The following IGF1R variants were observed in gnomAD, a reference collection of about 807,000 sequenced individuals.
IGF1R encodes the protein insulin like growth factor 1 receptor, also known as insulin-like growth factor 1 receptor.
In IGF1R, 44 loss-of-function variants were observed where a neutral mutation model predicts 144.6. The ratio of observed to expected loss-of-function variants is 0.30; its 90% CI spans 0.24 to 0.39. IGF1R has a LOEUF of 0.39. IGF1R is among the 10% of genes least tolerant of loss of function. The pLI is 1.00. For missense variants in IGF1R, 1,355 were observed against 1,833.7 expected, an observed-to-expected ratio of 0.74 and a Z score of 4.77; for synonymous variants, 795 against 722.8, an observed-to-expected ratio of 1.10 and a Z score of -1.60.
At chr15:98,738,097 C>G (rs1004796293) in intron 2 of IGF1R, among the ~76,000 whole-genome samples, 1 of 152,194 alleles carries the variant, frequency 6.6e-6, no homozygotes, top group Non-Finnish European at 1.5e-5. Flanking sequence ...AGATTAAAAT[C>G]CTATGACAGA....
intron 10 of IGF1R, among the ~76,000 whole-genome samples, chr15:98,918,839 G>A (rs1024928478): frequency 5.3e-5 from 8 of 152,072 alleles, no homozygotes; most frequent in South Asian, 2.1e-4. Context: ...AGATCGCACC[G>A]TTGCACTCCA....
At chr15:98,955,906 T>TC (rs1567222131) in intron 20 of IGF1R, among the ~76,000 whole-genome samples, 15 of 152,342 alleles carry the variant, frequency 9.8e-5, no homozygotes, top group Middle Eastern at 3.4e-3. Context: ...TAGCCAGAAT[T>TC]TTAAAATAAA....
At chr15:98,753,243 TA>T (rs59537592) in intron 2 of IGF1R, among the ~76,000 whole-genome samples, 29 of 148,454 alleles carry the variant, frequency 2.0e-4, no homozygotes, top group African/African-American at 7.1e-4. Context: ...TTTTTTTTTT[TA>T]AATAAAGAGG....
chr15:98,661,730 C>T (rs1481884345), intron 1 of IGF1R, among the ~76,000 whole-genome samples: 1 of 152,212 alleles, frequency 6.6e-6, no homozygotes, highest in African/African-American at 2.4e-5. Context: ...AGTGTCTCTG[C>T]CTGTGATTGG....
intron 2 of IGF1R, among the ~76,000 whole-genome samples, chr15:98,732,157 A>G (rs768800869): frequency 1.3e-5 from 2 of 152,162 alleles, no homozygotes; most frequent in African/African-American, 4.8e-5. Context: ...AGTGTGGTGC[A>G]TATCTTATTA....
At chr15:98,709,841 G>A (rs540126281) in intron 2 of IGF1R, among the ~76,000 whole-genome samples, 4 of 152,266 alleles carry the variant, frequency 2.6e-5, no homozygotes, top group African/African-American at 7.2e-5. Flanking sequence ...CATATGAAAC[G>A]TCATTAAGTG....
intron 11 of IGF1R, among the ~76,000 whole-genome samples, chr15:98,923,388 G>A (rs1041099615): frequency 2.0e-5 from 3 of 152,246 alleles, no homozygotes; most frequent in African/African-American, 7.2e-5. Flanking sequence ...CAGTTGCCGC[G>A]TGTAGACGCG....
At chr15:98,817,160 G>C (rs75356524) in intron 2 of IGF1R, among the ~76,000 whole-genome samples, 17,162 of 151,988 alleles carry the variant, frequency 0.11, 1,130 homozygotes, top group Middle Eastern at 0.22. Context: ...AAATTAGCTG[G>C]GTGTGGTGGC....
chr15:98,961,727 A>G lies in IGF1R; in HGVS notation c.*4285A>G. On this transcript the variant is annotated 3_prime_UTR_variant, in exon 21 of 21. Transcript: ENST00000650285. ...GCAGGAGCTGGTGTGTACTGGAGAC[A>G]CTGTTGAACTTGATCAAGACCCAGA... is the stretch of plus-strand genomic sequence containing the variant. 1 of 233,654 alleles carries G rather than the reference A, an allele frequency of 4.3e-6. No homozygotes were observed. The highest frequency in any genetic ancestry group is 6.0e-5 in the East Asian group (1 of 16,590). The allele number at this position is 233,654 out of a possible 1,614,324, so 14.5% of individuals were successfully genotyped here.
chr15:98,950,777 C>G (rs987440838), intron 20 of IGF1R, among the ~76,000 whole-genome samples: 3 of 152,086 alleles, frequency 2.0e-5, no homozygotes, highest in African/African-American at 7.2e-5. Flanking sequence ...AAGTCCCACC[C>G]GTACTCAAGT....
rs143072572 is a variant in IGF1R, at chr15:98,737,490, C to G, written c.640+29383C>G. 1.0e-2 allele frequency among the ~76,000 whole-genome samples: 1,519 copies of G among 152,076 alleles called. 10 individuals are homozygous for G. Among genetic ancestry groups the G allele is most frequent in the Middle Eastern group, 0.041 (12 of 294 alleles). ...AAATACTGTTTTGGGTAGGACTTAC[C>G]CAAAAGAGTGGGCTGAGTCACAGAA... On this transcript the variant is annotated intron_variant, in intron 2 of 20. Transcript: ENST00000650285.
intron 2 of IGF1R, among the ~76,000 whole-genome samples, chr15:98,881,347 GTCTCAC>G (rs2013363431): frequency 6.6e-6 from 1 of 151,942 alleles, no homozygotes; most frequent in Admixed American, 6.6e-5. Context: ...TTGAGATGGA[GTCTCAC>G]TCTGTCACCC....
chr15:98,827,252 T>A (rs969861504), intron 2 of IGF1R, among the ~76,000 whole-genome samples: 5 of 152,114 alleles, frequency 3.3e-5, no homozygotes, highest in Non-Finnish European at 5.9e-5. Flanking sequence ...AACAGGCAAA[T>A]CCACTGACAT....
intron 5 of IGF1R, among the ~76,000 whole-genome samples, chr15:98,905,671 A>C: frequency 7.1e-6 from 1 of 140,722 alleles, no homozygotes; most frequent in South Asian, 2.1e-4. Flanking sequence ...CTCAAGGGGA[A>C]AAAAAAAAAA....
chr15:98,764,706 C>T (rs988488109), intron 2 of IGF1R, among the ~76,000 whole-genome samples: 2 of 152,188 alleles, frequency 1.3e-5, no homozygotes, highest in Non-Finnish European at 2.9e-5. Context: ...CTATTTCCAG[C>T]TCCACTGAGT....
chr15:98,896,218 T>C (rs756333535), intron 3 of IGF1R, among the ~76,000 whole-genome samples: 1 of 152,248 alleles, frequency 6.6e-6, no homozygotes, highest in Non-Finnish European at 1.5e-5. Context: ...ATAATGGATC[T>C]GTGCTATACC....
At chr15:98,795,845 G>T (rs1038536659) in intron 2 of IGF1R, among the ~76,000 whole-genome samples, 11 of 152,176 alleles carry the variant, frequency 7.2e-5, no homozygotes, top group African/African-American at 2.2e-4. Context: ...ATTTGTGGGT[G>T]GTCCCTTCGT....
intron 2 of IGF1R, among the ~76,000 whole-genome samples, chr15:98,762,338 A>G (rs2055326623): frequency 6.6e-6 from 1 of 151,484 alleles, no homozygotes; most frequent in South Asian, 2.1e-4. Flanking sequence ...CCTGGGCTCA[A>G]GTGATCGCCT....
intron 20 of IGF1R, among the ~76,000 whole-genome samples, chr15:98,951,325 A>G (rs982615813): frequency 3.9e-5 from 6 of 152,226 alleles, no homozygotes; most frequent in African/African-American, 7.2e-5. Flanking sequence ...TGGAGCCCTC[A>G]TCAAGGAAAC....
Sources: gnomAD v4.1 joint callset for allele counts (sites outside exome capture counted in the v4.1 genomes callset) on GRCh38, gnomAD v4.1.1 for gene constraint, MANE v1.5 for transcripts, NCBI Gene and HGNC (gene_info 2026-07-23, HGNC 2026-07-21) for gene names.